Variants in EYS observed in about 807,000 individuals in gnomAD.
The protein encoded by EYS is protein eyes shut homolog.
In EYS, 250 loss-of-function variants were observed where a neutral mutation model predicts 282.1. That is an observed-to-expected ratio of 0.89 (90% CI 0.80 to 0.98). The LOEUF (loss-of-function observed/expected upper bound fraction) is 0.98, where lower values mean the gene tolerates loss of function less well. Among genes scored for constraint, EYS ranks in the 50% least tolerant of loss-of-function variants. The probability of loss-of-function intolerance (pLI) is 0.00; values close to 1 mark genes in which losing one functional copy is unlikely to be tolerated. For synonymous variants in EYS, 1,355 were observed against 1,282.9 expected, an observed-to-expected ratio of 1.06 and a Z score of -1.20; for missense variants, 4,016 against 3,709.0, an observed-to-expected ratio of 1.08 and a Z score of -2.15.
chr6:65,619,966 T>C (rs557171268), intron 2 of EYS, among the ~76,000 whole-genome samples: 1 of 152,072 alleles, frequency 6.6e-6, no homozygotes, highest in East Asian at 1.9e-4. Flanking sequence ...CAGTATTTTA[T>C]TGAGGATTTT....
intron 31 of EYS, among the ~76,000 whole-genome samples, chr6:64,157,815 A>T (rs891324361): frequency 3.9e-5 from 6 of 152,220 alleles, no homozygotes; most frequent in African/African-American, 1.4e-4. Context: ...GGAGTGCGGC[A>T]CTAATGGAGG....
chr6:64,860,119 A>G (rs947309032), intron 19 of EYS, among the ~76,000 whole-genome samples: 1 of 152,078 alleles, frequency 6.6e-6, no homozygotes, highest in South Asian at 2.1e-4. Flanking sequence ...ACTCCATTTG[A>G]TCTCTCTTTG....
At chr6:64,446,167 G>C (rs1439974642) in intron 26 of EYS, among the ~76,000 whole-genome samples, 1 of 152,130 alleles carries the variant, frequency 6.6e-6, no homozygotes, top group Non-Finnish European at 1.5e-5. Flanking sequence ...CATGGTTGTT[G>C]CTAGGTGGGT....
intron 12 of EYS, among the ~76,000 whole-genome samples, chr6:65,118,565 CCA>C (rs763757875): frequency 1.3e-5 from 2 of 152,122 alleles, no homozygotes; most frequent in Non-Finnish European, 2.9e-5. Flanking sequence ...GCTGGATATC[CCA>C]CCTCTCCATG....
chr6:63,869,651 A>G (rs1277571251), intron 35 of EYS, among the ~76,000 whole-genome samples: 7 of 152,178 alleles, frequency 4.6e-5, no homozygotes, highest in Non-Finnish European at 1.5e-5. Context: ...TATGTGTGAG[A>G]ATGTGCCCAG....
chr6:63,942,452 G>A (rs182960019), intron 35 of EYS, among the ~76,000 whole-genome samples: 4 of 152,160 alleles, frequency 2.6e-5, no homozygotes, highest in African/African-American at 7.2e-5. Context: ...CTCTATTAAG[G>A]TGTCTCTAAT....
At chr6:64,447,304 C>T (rs1417996467) in intron 26 of EYS, among the ~76,000 whole-genome samples, 1 of 152,074 alleles carries the variant, frequency 6.6e-6, no homozygotes, top group Non-Finnish European at 1.5e-5. Context: ...GTGTCTAATT[C>T]ACCTTAAAAT....
chr6:64,773,664 C>A lies in EYS; in HGVS notation c.3443+39714G>T, dbSNP rs150011533. 2.0e-4 allele frequency among the ~76,000 whole-genome samples: 31 copies of A among 151,986 alleles called. No individual in the cohort carries two copies. The East Asian group carries it at 6.0e-3, about 29-fold the overall frequency. On this transcript the variant is annotated intron_variant, in intron 22 of 42. Coordinates refer to ENST00000503581, the MANE Select transcript of EYS (RefSeq NM_001142800.2). ...TTATTTTGGACTCCTTAATAATAGT[C>A]TTTCTGACTGTTGTGAGATGGTATC...
At chr6:64,614,692 G>A (rs762733931) in intron 24 of EYS, among the ~76,000 whole-genome samples, 1 of 152,020 alleles carries the variant, frequency 6.6e-6, no homozygotes, top group South Asian at 2.1e-4. Context: ...CCTTAAATTT[G>A]TCCAGTACAC....
intron 7 of EYS, among the ~76,000 whole-genome samples, chr6:65,393,297 A>G (rs1766131550): frequency 6.6e-6 from 1 of 152,210 alleles, no homozygotes; most frequent in Non-Finnish European, 1.5e-5. Context: ...CATTGTGCAC[A>G]TGTACCCTAA....
intron 36 of EYS, among the ~76,000 whole-genome samples, chr6:63,856,021 T>TG (rs1485067224): frequency 6.6e-6 from 1 of 151,578 alleles, no homozygotes; most frequent in East Asian, 1.9e-4. Flanking sequence ...TGAAGTTTTT[T>TG]TTTTTTTTTT....
intron 19 of EYS, among the ~76,000 whole-genome samples, chr6:64,847,289 G>A (rs536192727): frequency 2.0e-5 from 3 of 152,062 alleles, no homozygotes; most frequent in Admixed American, 1.3e-4. Flanking sequence ...TATTATGTGT[G>A]TGTGTGTGTG....
At chr6:64,191,119 G>T (rs1765089546) in intron 31 of EYS, among the ~76,000 whole-genome samples, 1 of 151,710 alleles carries the variant, frequency 6.6e-6, no homozygotes, top group Non-Finnish European at 1.5e-5. Flanking sequence ...TTTATCTTTG[G>T]TATATATATC....
At chr6:65,453,175 G>C (rs1383580136) in intron 5 of EYS, among the ~76,000 whole-genome samples, 2 of 151,934 alleles carry the variant, frequency 1.3e-5, no homozygotes, top group Non-Finnish European at 2.9e-5. Flanking sequence ...TACAAACATA[G>C]CGTGTATTTA....
chr6:64,643,270 C>G (rs1739299537), intron 22 of EYS, among the ~76,000 whole-genome samples: 1 of 152,146 alleles, frequency 6.6e-6, no homozygotes, highest in Admixed American at 6.5e-5. Context: ...CAGGTCAGTG[C>G]AAAAGTAATT....
intron 31 of EYS, among the ~76,000 whole-genome samples, chr6:64,115,050 A>G (rs1185846889): frequency 6.6e-6 from 1 of 152,114 alleles, no homozygotes; most frequent in African/African-American, 2.4e-5. Context: ...CAGTCACTTT[A>G]TGCATGCCCA....
chr6:64,686,936 T>C (rs1041081105), intron 22 of EYS, among the ~76,000 whole-genome samples: 3 of 140,980 alleles, frequency 2.1e-5, no homozygotes, highest in African/African-American at 5.2e-5. Context: ...CGTATATATA[T>C]ACACATATAT....
At chr6:64,218,677 GC>G (rs1392489911) in intron 31 of EYS, among the ~76,000 whole-genome samples, 1 of 152,174 alleles carries the variant, frequency 6.6e-6, no homozygotes, top group African/African-American at 2.4e-5. Context: ...AGCCTTGTTT[GC>G]CTTTGACATT....
chr6:65,600,026 T>C (rs1001613401), intron 2 of EYS, among the ~76,000 whole-genome samples: 1 of 152,074 alleles, frequency 6.6e-6, no homozygotes, highest in Non-Finnish European at 1.5e-5. Context: ...AAAGTGATCA[T>C]GTGATCAAGT....
Sources: gnomAD v4.1 joint callset for allele counts (sites outside exome capture counted in the v4.1 genomes callset) on GRCh38, gnomAD v4.1.1 for gene constraint, MANE v1.5 for transcripts, NCBI Gene and HGNC (gene_info 2026-07-23, HGNC 2026-07-21) for gene names.